COL19A1: variants seen among roughly 807,000 people sequenced by gnomAD.
The protein encoded by COL19A1 is collagen type XIX alpha 1 chain.
Under a neutral mutation model 190.2 loss-of-function variants are expected in COL19A1, and 159 were observed. The observed-to-expected ratio is 0.84, with a 90% CI of 0.73 to 0.95. The LOEUF (loss-of-function observed/expected upper bound fraction) is 0.95. Among genes scored for constraint, COL19A1 ranks in the 40% least tolerant of loss-of-function variants. The pLI, the probability that COL19A1 is intolerant of heterozygous loss-of-function variation, is 0.00. For synonymous variants in COL19A1, 509 were observed against 458.9 expected, an observed-to-expected ratio of 1.11 and a Z score of -1.39; for missense variants, 1,418 against 1,431.9, an observed-to-expected ratio of 0.99 and a Z score of 0.16.
intron 23 of COL19A1, among the ~76,000 whole-genome samples, chr6:70,143,103 A>C (rs1183983583): frequency 6.6e-6 from 1 of 152,222 alleles, no homozygotes; most frequent in East Asian, 1.9e-4. Context: ...TCAGTGCTGT[A>C]CCAGCAGTAG....
chr6:70,017,864 G>A (rs1342942712), intron 11 of COL19A1, among the ~76,000 whole-genome samples: 1 of 152,124 alleles, frequency 6.6e-6, no homozygotes, highest in Non-Finnish European at 1.5e-5. Context: ...GGCATGAGCA[G>A]TTTTTGAGGA....
At chr6:70,003,755 G>T (rs1296690719) in intron 11 of COL19A1, among the ~76,000 whole-genome samples, 2 of 151,900 alleles carry the variant, frequency 1.3e-5, no homozygotes, top group Non-Finnish European at 2.9e-5. Flanking sequence ...TTTATTTTGA[G>T]CCTTTGTGTA....
intron 14 of COL19A1, among the ~76,000 whole-genome samples, chr6:70,063,657 C>A (rs1368097051): frequency 6.7e-6 from 1 of 150,084 alleles, no homozygotes; most frequent in African/African-American, 2.5e-5. Flanking sequence ...GAGATAGAGA[C>A]ACAAAAAACC....
chr6:70,189,394 C>T (rs1447840250), intron 47 of COL19A1, among the ~76,000 whole-genome samples: 1 of 152,162 alleles, frequency 6.6e-6, no homozygotes, highest in African/African-American at 2.4e-5. Context: ...TTCCAACTCT[C>T]TCATCTGACC....
At chr6:70,092,211 G>A (rs1782972670) in intron 15 of COL19A1, among the ~76,000 whole-genome samples, 1 of 152,010 alleles carries the variant, frequency 6.6e-6, no homozygotes, top group South Asian at 2.1e-4. Flanking sequence ...CCTGTTTGAG[G>A]ACTTTTCAGG....
chr6:70,086,828 C>T (rs1259611479), intron 15 of COL19A1, among the ~76,000 whole-genome samples: 5 of 152,122 alleles, frequency 3.3e-5, no homozygotes, highest in African/African-American at 7.2e-5. Context: ...CAAAAAGTTA[C>T]GTTTACTTCC....
intron 11 of COL19A1, among the ~76,000 whole-genome samples, chr6:70,005,637 G>A (rs1000280813): frequency 6.6e-6 from 1 of 152,150 alleles, no homozygotes; most frequent in African/African-American, 2.4e-5. Flanking sequence ...ACCCAGTTGG[G>A]TGGCATCGGG....
intron 7 of COL19A1, among the ~76,000 whole-genome samples, chr6:69,936,352 T>C (rs1773111763): frequency 6.6e-6 from 1 of 152,198 alleles, no homozygotes; most frequent in African/African-American, 2.4e-5. Context: ...CTTTATATGC[T>C]TTAATAATCA....
At position 70,161,528 on chromosome 6, in the gene COL19A1, G is replaced by A. The variant is rs772956683; in HGVS notation, c.2293-372G>A. Among the ~76,000 whole-genome samples the A allele has an allele frequency of 3.3e-5, 5 of 152,180 alleles. No homozygotes were observed. In the East Asian group the frequency reaches 5.8e-4, roughly 18 times the overall value. On this transcript the variant is annotated intron_variant, in intron 34 of 50. Transcript: ENST00000620364. ...TAAGTGAGGGCTAAGCTATGAGTAC[G>A]CAAAAGCATACAGAGTGATATAATG...
intron 11 of COL19A1, among the ~76,000 whole-genome samples, chr6:69,995,388 G>C: frequency 6.6e-6 from 1 of 152,174 alleles, no homozygotes; most frequent in East Asian, 1.9e-4. Context: ...TTCTAAAAGA[G>C]AGTCTTGAAT....
chr6:70,070,582 A>G (rs1359770296), intron 15 of COL19A1, among the ~76,000 whole-genome samples: 1 of 152,158 alleles, frequency 6.6e-6, no homozygotes, highest in Non-Finnish European at 1.5e-5. Flanking sequence ...TTTGGATTAT[A>G]TCCATATATG....
chr6:69,887,961 T>C (rs1335464193), intron 2 of COL19A1, among the ~76,000 whole-genome samples: 2 of 152,164 alleles, frequency 1.3e-5, no homozygotes, highest in Non-Finnish European at 2.9e-5. Context: ...GGACCCCCTC[T>C]CACCTGGCTG....
At chr6:69,970,989 A>C (rs1264605944) in intron 11 of COL19A1, among the ~76,000 whole-genome samples, 10 of 152,236 alleles carry the variant, frequency 6.6e-5, no homozygotes, top group Non-Finnish European at 1.2e-4. Context: ...GCCAAGCCAG[A>C]GGCTTAATGC....
At chr6:70,162,453 T>C (rs530008607) in intron 35 of COL19A1, among the ~76,000 whole-genome samples, 2 of 152,340 alleles carry the variant, frequency 1.3e-5, no homozygotes, top group African/African-American at 2.4e-5. Context: ...TTTCACTGTC[T>C]TGTTTTCCTA....
intron 11 of COL19A1, among the ~76,000 whole-genome samples, chr6:69,969,486 G>A (rs1230738693): frequency 6.6e-6 from 1 of 150,560 alleles, no homozygotes; most frequent in Non-Finnish European, 1.5e-5. Flanking sequence ...GTGCATCCAG[G>A]GACTATGCAT....
At chr6:69,905,702 C>G (rs918318019) in intron 4 of COL19A1, among the ~76,000 whole-genome samples, 1 of 152,210 alleles carries the variant, frequency 6.6e-6, no homozygotes, top group Non-Finnish European at 1.5e-5. Flanking sequence ...TCGGCCTATC[C>G]TTGACCAAAG....
intron 2 of COL19A1, among the ~76,000 whole-genome samples, chr6:69,894,227 T>A (rs1382609590): frequency 6.6e-6 from 1 of 152,220 alleles, no homozygotes; most frequent in Non-Finnish European, 1.5e-5. Flanking sequence ...ATAATAGTAA[T>A]TCCTAGCATC....
At chr6:70,063,834 G>T (rs1196051162) in intron 14 of COL19A1, among the ~76,000 whole-genome samples, 1 of 152,136 alleles carries the variant, frequency 6.6e-6, no homozygotes, top group East Asian at 1.9e-4. Flanking sequence ...TACCATAAGA[G>T]AATACTATAA....
chr6:69,957,440 G>A (rs116393111), intron 9 of COL19A1, among the ~76,000 whole-genome samples: 1,931 of 151,928 alleles, frequency 0.013, 43 homozygotes, highest in African/African-American at 0.037. Context: ...CGATACTATC[G>A]GCAGCAACAT....
Sources: allele counts gnomAD v4.1 joint callset (sites outside exome capture counted in the v4.1 genomes callset), GRCh38; gene constraint gnomAD v4.1.1; transcripts MANE v1.5; gene names NCBI Gene and HGNC (gene_info 2026-07-23, HGNC 2026-07-21).